Variants in MAP2 observed in about 807,000 individuals in gnomAD.
MAP2 encodes the protein microtubule associated protein 2, also known as microtubule-associated protein 2.
MAP2 carries 14 observed loss-of-function variants against 137.6 expected under a neutral mutation model. The observed-to-expected ratio is 0.10, with a 90% CI of 0.07 to 0.16. The LOEUF (loss-of-function observed/expected upper bound fraction) is 0.16. MAP2 is among the 10% of genes least tolerant of loss of function. MAP2 has a pLI of 1.00. For synonymous variants in MAP2, 786 were observed against 782.3 expected (o/e 1.00, Z -0.08); for missense variants, 2,088 against 2,191.5 (o/e 0.95, Z 0.94).
At chr2:209,491,436 T>A (rs886690892) in intron 1 of MAP2, among the ~76,000 whole-genome samples, 11 of 151,550 alleles carry the variant, frequency 7.3e-5, no homozygotes, top group African/African-American at 2.7e-4. Context: ...AGACAAGAAA[T>A]AACTAAGATC....
intron 3 of MAP2, among the ~76,000 whole-genome samples, chr2:209,613,424 A>T (rs1450802355): frequency 2.0e-5 from 3 of 152,332 alleles, no homozygotes; most frequent in African/African-American, 7.2e-5. Context: ...AAACTATAGG[A>T]TCTGTAGTCC....
intron 3 of MAP2, among the ~76,000 whole-genome samples, chr2:209,609,215 ACT>A (rs2085925110): frequency 6.6e-6 from 1 of 151,980 alleles, no homozygotes; most frequent in African/African-American, 2.4e-5. Context: ...CAGGCTTAAA[ACT>A]CTGAAAAAAA....
At chr2:209,702,111 G>A (rs1216085991) in intron 11 of MAP2, among the ~76,000 whole-genome samples, 1 of 151,974 alleles carries the variant, frequency 6.6e-6, no homozygotes, top group African/African-American at 2.4e-5. Flanking sequence ...GTTTTCAGGA[G>A]CAGATATAGA....
chr2:209,558,940 G>GT (rs141298542), intron 2 of MAP2, among the ~76,000 whole-genome samples: 2,986 of 151,956 alleles, frequency 0.02, 94 homozygotes, highest in African/African-American at 0.068. Flanking sequence ...CAATTTACTT[G>GT]TAAAAGTACC....
chr2:209,692,613 C>A lies in MAP2; in HGVS notation c.455-12C>A. ...CCTATTATTTGTTTAAAAATCAACC[C>A]GATTACTTCAGATTTACTTACAGCC... On this transcript the variant is annotated splice_polypyrimidine_tract_variant and intron_variant, in intron 7 of 15. Coordinates refer to ENST00000682079, the MANE Select transcript of MAP2 (RefSeq NM_001375505.1). 6.5e-7 allele frequency: 1 copy of A among 1,535,810 alleles called. No homozygotes were observed. Among genetic ancestry groups the A allele is most frequent in the South Asian group, 1.3e-5 (1 of 77,934 alleles).
chr2:209,471,968 C>A (rs1035736405), intron 1 of MAP2, among the ~76,000 whole-genome samples: 1 of 152,016 alleles, frequency 6.6e-6, no homozygotes, highest in Non-Finnish European at 1.5e-5. Flanking sequence ...AGTTTCACAG[C>A]CAATTTTGCT....
intron 3 of MAP2, among the ~76,000 whole-genome samples, chr2:209,615,573 A>T (rs1162348326): frequency 6.6e-6 from 1 of 152,210 alleles, no homozygotes; most frequent in Non-Finnish European, 1.5e-5. Flanking sequence ...CCAAACATAT[A>T]ACTTTATGTA....
chr2:209,714,031 A>G (rs1362166019), intron 13 of MAP2, among the ~76,000 whole-genome samples: 1 of 149,238 alleles, frequency 6.7e-6, no homozygotes, highest in Non-Finnish European at 1.5e-5. Context: ...GTCCCTACTA[A>G]AAGTACAAAA....
chr2:209,524,452 G>C (rs79704408), intron 2 of MAP2, among the ~76,000 whole-genome samples: 4,007 of 152,038 alleles, frequency 0.026, 61 homozygotes, highest in Non-Finnish European at 0.033. Flanking sequence ...AATGCTGGCT[G>C]TTAGCTTTAT....
chr2:209,669,349 T>G (rs1165166810), intron 5 of MAP2, among the ~76,000 whole-genome samples: 1 of 152,090 alleles, frequency 6.6e-6, no homozygotes, highest in Non-Finnish European at 1.5e-5. Context: ...GTTCCTAAAT[T>G]CCATATGCAT....
intron 1 of MAP2, among the ~76,000 whole-genome samples, chr2:209,470,631 A>T (rs1705429706): frequency 6.6e-6 from 1 of 151,870 alleles, no homozygotes; most frequent in Admixed American, 6.6e-5. Context: ...TCTCAACCTC[A>T]CCCGCATTAA....
At chr2:209,458,105 C>T (rs1013456264) in intron 1 of MAP2, among the ~76,000 whole-genome samples, 1 of 152,008 alleles carries the variant, frequency 6.6e-6, no homozygotes, top group Non-Finnish European at 1.5e-5. Flanking sequence ...GCAGAACTCT[C>T]TGCTGCTAAA....
In MAP2 at chr2:209,582,351, G is replaced by A. The variant is rs558052573; in HGVS notation, c.-107+2251G>A. Among the ~76,000 whole-genome samples, 8 of 152,104 alleles carry A rather than the reference G, an allele frequency of 5.3e-5. 1 individual carries two copies. The highest frequency in any genetic ancestry group is 1.2e-4 in the African/African-American group (5 of 41,496). Reference sequence around the variant, plus strand: ...TATAGAAATTTCTTTAGGCTGTACGGAATAGGATTTTTCTGGTTTTAGATT... The same window carrying A: ...TATAGAAATTTCTTTAGGCTGTACGAAATAGGATTTTTCTGGTTTTAGATT... On this transcript the variant is annotated intron_variant, in intron 3 of 15. Transcript: ENST00000682079.
At chr2:209,443,878 T>A (rs1698415278) in intron 1 of MAP2, among the ~76,000 whole-genome samples, 1 of 151,566 alleles carries the variant, frequency 6.6e-6, no homozygotes, top group South Asian at 2.1e-4. Context: ...AGCTAAAACT[T>A]TAATCTACCA....
At chr2:209,440,399 G>T (rs1197348355) in intron 1 of MAP2, among the ~76,000 whole-genome samples, 2 of 151,450 alleles carry the variant, frequency 1.3e-5, no homozygotes, top group African/African-American at 4.8e-5. Context: ...TCATTCATTT[G>T]TCTAAAATAT....
chr2:209,556,564 A>G (rs1229647546), intron 2 of MAP2, among the ~76,000 whole-genome samples: 1 of 151,906 alleles, frequency 6.6e-6, no homozygotes, highest in Non-Finnish European at 1.5e-5. Flanking sequence ...TACTGCTTAG[A>G]GAGAAATGTG....
intron 13 of MAP2, among the ~76,000 whole-genome samples, chr2:209,724,245 G>T (rs2072865192): frequency 6.6e-6 from 1 of 152,094 alleles, no homozygotes; most frequent in African/African-American, 2.4e-5. Context: ...GTACACTTTA[G>T]CTTGATGGGA....
rs776266690 is a variant in MAP2 at position 209,631,005 on chromosome 2, C to CAAAAAAAAAAAAAAAAAAAAAAAAAAA, written c.-30+5880_-30+5906dup. 1.9e-4 allele frequency among the ~76,000 whole-genome samples: 8 copies of CAAAAAAAAAAAAAAAAAAAAAAAAAAA among 42,118 alleles called. 4 individuals carry two copies. The highest frequency in any genetic ancestry group is 1.1e-3 in the Admixed American group (2 of 1,854). 27.6% of individuals were successfully genotyped at this position (42,118 alleles called of 152,430 possible). On this transcript the variant is annotated intron_variant, in intron 4 of 15. Coordinates refer to ENST00000682079, the MANE Select transcript of MAP2 (RefSeq NM_001375505.1). ...TTTCAAGATTGAAGGGAGCTACAAGCAAAAAAAAAAAAAAAAAAAAAAAAA... is the reference window on the plus strand; with the variant it reads ...TTTCAAGATTGAAGGGAGCTACAAGCAAAAAAAAAAAAAAAAAAAAAAAAAAAAAAAAAAAAAAAAAAAAAAAAAAAA...
At chr2:209,648,260 C>A (rs1054913173) in intron 4 of MAP2, among the ~76,000 whole-genome samples, 3 of 152,020 alleles carry the variant, frequency 2.0e-5, no homozygotes, top group Non-Finnish European at 4.4e-5. Context: ...CACCACCACA[C>A]CCAGCTAATT....
Sources: gnomAD v4.1 joint callset for allele counts (sites outside exome capture counted in the v4.1 genomes callset) on GRCh38, gnomAD v4.1.1 for gene constraint, MANE v1.5 for transcripts, NCBI Gene and HGNC (gene_info 2026-07-23, HGNC 2026-07-21) for gene names.